The following MYCT1 variants were observed in gnomAD, a reference collection of about 807,000 sequenced individuals.
The protein encoded by MYCT1 is MYC target 1.
A neutral mutation model predicts 15.0 loss-of-function variants in MYCT1; 12 were observed. The ratio of observed to expected loss-of-function variants is 0.80; its 90% CI spans 0.51 to 1.29. The LOEUF is 1.29. Among genes scored for constraint, MYCT1 ranks in the 50% most tolerant of loss-of-function variants. The pLI, the probability that MYCT1 is intolerant of heterozygous loss-of-function variation, is 0.00. For missense variants in MYCT1, 287 were observed against 279.1 expected (o/e 1.03, Z -0.20); for synonymous variants, 104 against 102.7 (o/e 1.01, Z -0.07).
chr6:152,722,705 G>A lies in MYCT1; in HGVS notation c.*452G>A, dbSNP rs1335746491. ...GATTTTACTTTCTTTAGAATGACAA[G>A]TGAATCATATTGACATTTTACAATC... On this transcript the variant is annotated 3_prime_UTR_variant, in exon 2 of 2. Transcript: ENST00000367245. 2.0e-5 allele frequency: 7 copies of A among 343,264 alleles called. No individual in the cohort carries two copies. The highest frequency in any genetic ancestry group is 4.0e-5 in the Non-Finnish European group (7 of 175,492). The allele number at this position is 343,264 out of a possible 1,614,324, so 21.3% of individuals were successfully genotyped here.
the MYCT1 span, among the ~76,000 whole-genome samples, chr6:152,733,410 G>A: frequency 6.6e-6 from 1 of 152,070 alleles, no homozygotes; most frequent in East Asian, 1.9e-4. Context: ...GCCTTCCACG[G>A]TTTTCTTAAA....
the MYCT1 span, among the ~76,000 whole-genome samples, chr6:152,740,775 T>A: frequency 1.3e-5 from 2 of 152,174 alleles, no homozygotes; most frequent in African/African-American, 2.4e-5. Context: ...CTAATTTTTT[T>A]ATATAAAAAT....
the MYCT1 span, among the ~76,000 whole-genome samples, chr6:152,732,063 A>G: frequency 6.6e-6 from 1 of 152,246 alleles, no homozygotes; most frequent in African/African-American, 2.4e-5. Context: ...CTAACATTTT[A>G]AGATAGTTTA....
the MYCT1 span, among the ~76,000 whole-genome samples, chr6:152,736,493 A>T: frequency 1.3e-5 from 2 of 152,188 alleles, no homozygotes; most frequent in African/African-American, 4.8e-5. Context: ...CTTCCTGACC[A>T]GGTTCAAGAC....
chr6:152,745,466 G>A, the MYCT1 span, among the ~76,000 whole-genome samples: 1 of 151,842 alleles, frequency 6.6e-6, no homozygotes. Flanking sequence ...CCAAGTCTAG[G>A]GGAAAAAAAG....
chr6:152,700,482 T>C (rs2099721121), intron 1 of MYCT1, among the ~76,000 whole-genome samples: 1 of 152,170 alleles, frequency 6.6e-6, no homozygotes, highest in Non-Finnish European at 1.5e-5. Flanking sequence ...AATATCGGGT[T>C]ATTACCAAAA....
chr6:152,735,963 T>C, the MYCT1 span, among the ~76,000 whole-genome samples: 1 of 152,094 alleles, frequency 6.6e-6, no homozygotes, highest in African/African-American at 2.4e-5. Context: ...CATTGTTATA[T>C]GATATTTATA....
downstream of MYCT1, among the ~76,000 whole-genome samples, chr6:152,727,552 G>A (rs765158663): frequency 6.6e-5 from 10 of 152,218 alleles, no homozygotes; most frequent in Non-Finnish European, 1.3e-4. Flanking sequence ...AGCCATGCTG[G>A]AAGAACAGAT....
chr6:152,731,343 T>C, the MYCT1 span, among the ~76,000 whole-genome samples: 4 of 152,208 alleles, frequency 2.6e-5, no homozygotes, highest in Non-Finnish European at 4.4e-5. Context: ...AGATTGTACA[T>C]GGTAGCTCAA....
chr6:152,742,362 A>G, the MYCT1 span, among the ~76,000 whole-genome samples: 1 of 152,288 alleles, frequency 6.6e-6, no homozygotes, highest in African/African-American at 2.4e-5. Context: ...AAAGCCAGAG[A>G]CATGAGAGAA....
At chr6:152,741,007 G>A in the MYCT1 span, among the ~76,000 whole-genome samples, 56 of 152,212 alleles carry the variant, frequency 3.7e-4, no homozygotes, top group Non-Finnish European at 3.1e-4. Context: ...AATTTAAGAA[G>A]TGTGGGATAA....
chr6:152,728,111 C>G (rs1450670714), downstream of MYCT1, among the ~76,000 whole-genome samples: 2 of 151,472 alleles, frequency 1.3e-5, no homozygotes, highest in African/African-American at 4.9e-5. Context: ...TTGCAATGAG[C>G]CGAGATCATG....
chr6:152,721,952 ACCT>A lies in MYCT1; in HGVS notation c.409_411del (p.Leu137del), dbSNP rs781616072. 1.9e-6 allele frequency: 3 copies of A among 1,613,992 alleles called. No homozygotes were observed. The highest frequency in any genetic ancestry group is 1.6e-4 in the Middle Eastern group (1 of 6,084). ...CACAGTGGCTGTGAACGTCGAAGCA[ACCT>A]CAGCCTGGCCAGTCTCACCTTCCAG... On this transcript the variant is annotated inframe_deletion, in exon 2 of 2. Transcript: ENST00000367245.
chr6:152,718,915 A>C (rs2099724214), intron 1 of MYCT1, among the ~76,000 whole-genome samples: 1 of 152,122 alleles, frequency 6.6e-6, no homozygotes, highest in Non-Finnish European at 1.5e-5. Context: ...ACATTTACAC[A>C]TAGGAAGGAC....
chr6:152,734,970 A>T, the MYCT1 span, among the ~76,000 whole-genome samples: 1 of 152,240 alleles, frequency 6.6e-6, no homozygotes, highest in Non-Finnish European at 1.5e-5. Flanking sequence ...ATAAAACAAC[A>T]TATGCCAGAT....
chr6:152,729,958 C>T, the MYCT1 span, among the ~76,000 whole-genome samples: 50 of 152,170 alleles, frequency 3.3e-4, no homozygotes, highest in Admixed American at 6.5e-4. Flanking sequence ...TTAAAAGCCC[C>T]TTTCTTCAAC....
intron 1 of MYCT1, chr6:152,705,841 T>C: frequency 1.4e-6 from 1 of 720,012 alleles, no homozygotes; most frequent in Non-Finnish European, 2.4e-6. Flanking sequence ...GCAATGACCA[T>C]TGCTAAGAAT....
chr6:152,718,144 A>G (rs146593996), intron 1 of MYCT1, among the ~76,000 whole-genome samples: 26 of 152,228 alleles, frequency 1.7e-4, no homozygotes, highest in African/African-American at 6.0e-4. Context: ...TTTGTTGTCA[A>G]ATTCCTCTCA....
At chr6:152,706,063 G>T in intron 1 of MYCT1, 8 of 1,432,318 alleles carry the variant, frequency 5.6e-6, no homozygotes, top group Non-Finnish European at 7.8e-6. Flanking sequence ...CCTAAAAAAA[G>T]AGAAGGACCC....
Sources: allele counts gnomAD v4.1 joint callset (sites outside exome capture counted in the v4.1 genomes callset), GRCh38; gene constraint gnomAD v4.1.1; transcripts MANE v1.5; gene names NCBI Gene and HGNC (gene_info 2026-07-23, HGNC 2026-07-21).